Variants in ITPRID1 observed in about 807,000 individuals in gnomAD.
ITPRID1 encodes the protein protein ITPRID1.
A neutral mutation model predicts 95.4 loss-of-function variants in ITPRID1; 96 were observed. That is an observed-to-expected ratio of 1.01 (90% CI 0.85 to 1.19). The LOEUF (loss-of-function observed/expected upper bound fraction) is 1.19. Among genes scored for constraint, ITPRID1 ranks in the 50% most tolerant of loss-of-function variants. ITPRID1 has a pLI of 0.00. For missense variants in ITPRID1, 1,339 were observed against 1,252.9 expected (o/e 1.07, Z -1.04); for synonymous variants, 510 against 453.6 (o/e 1.12, Z -1.58).
At chr7:31,633,232 C>T (rs1017878898) in intron 10 of ITPRID1, among the ~76,000 whole-genome samples, 2 of 152,108 alleles carry the variant, frequency 1.3e-5, no homozygotes, top group African/African-American at 2.4e-5. Flanking sequence ...AGAGTCCAAG[C>T]GAGCTGTCTT....
intron 10 of ITPRID1, among the ~76,000 whole-genome samples, chr7:31,631,845 A>G (rs1015362630): frequency 1.3e-5 from 2 of 152,240 alleles, no homozygotes; most frequent in African/African-American, 4.8e-5. Flanking sequence ...AGCTTGTCTC[A>G]GGATTATTTT....
chr7:31,529,234 A>G (rs1783517230), intron 1 of ITPRID1, among the ~76,000 whole-genome samples: 1 of 152,170 alleles, frequency 6.6e-6, no homozygotes, highest in African/African-American at 2.4e-5. Context: ...TCCATCCTGA[A>G]TATCAAGTTC....
intron 10 of ITPRID1, among the ~76,000 whole-genome samples, chr7:31,612,868 A>G (rs929564488): frequency 6.6e-6 from 1 of 152,188 alleles, no homozygotes; most frequent in Non-Finnish European, 1.5e-5. Flanking sequence ...CGAATATGTC[A>G]GAGTTTTTCA....
At chr7:31,592,634 T>C (rs1343967572) in intron 10 of ITPRID1, among the ~76,000 whole-genome samples, 2 of 152,186 alleles carry the variant, frequency 1.3e-5, no homozygotes, top group African/African-American at 4.8e-5. Context: ...GCATGTACAG[T>C]TCACAATAGA....
chr7:31,599,953 C>T lies in ITPRID1; in HGVS notation c.1228+16762C>T, dbSNP rs181926594. Among the ~76,000 whole-genome samples the T allele has an allele frequency of 5.0e-3, 766 of 152,182 alleles. 7 individuals are homozygous for T. The highest frequency in any genetic ancestry group is 0.017 in the African/African-American group (722 of 41,486). ...GACCTCGTGATCCGCCGGCCTCTGC[C>T]TCCCAAAGTGCTGGGATTACAGGCG... is the stretch of plus-strand genomic sequence containing the variant. On this transcript the variant is annotated intron_variant, in intron 10 of 14. Transcript: ENST00000615280.
intron 10 of ITPRID1, among the ~76,000 whole-genome samples, chr7:31,613,290 C>G (rs912307983): frequency 3.3e-5 from 5 of 151,978 alleles, no homozygotes; most frequent in African/African-American, 1.2e-4. Flanking sequence ...CTCTTTTTTT[C>G]TCGTATAAAT....
intron 10 of ITPRID1, among the ~76,000 whole-genome samples, chr7:31,635,218 T>C (rs1789369482): frequency 6.6e-6 from 1 of 152,210 alleles, no homozygotes; most frequent in Non-Finnish European, 1.5e-5. Context: ...TCTAAGGGAA[T>C]ATTTAGAATT....
chr7:31,525,401 C>G (rs1383866602), intron 1 of ITPRID1, among the ~76,000 whole-genome samples: 1 of 152,200 alleles, frequency 6.6e-6, no homozygotes, highest in Non-Finnish European at 1.5e-5. Flanking sequence ...GTAGCATTCT[C>G]CACCCCATTG....
chr7:31,603,780 C>A lies in ITPRID1; in HGVS notation c.1228+20589C>A, dbSNP rs78757513. On this transcript the variant is annotated intron_variant, in intron 10 of 14. Coordinates refer to ENST00000615280, the MANE Select transcript of ITPRID1 (RefSeq NM_001257967.3). ...GTATGTTGGATTGCTTAGTGTCCCCCACAATCGCCCAATTTTGCATCTCTG... is the reference window on the plus strand; with the variant it reads ...GTATGTTGGATTGCTTAGTGTCCCCAACAATCGCCCAATTTTGCATCTCTG... Among the ~76,000 whole-genome samples the A allele has an allele frequency of 4.0e-4, 61 of 152,266 alleles. 1 individual carries two copies. In the East Asian group the frequency reaches 6.2e-3, roughly 15 times the overall value.
At chr7:31,590,728 G>A (rs1055863976) in intron 10 of ITPRID1, among the ~76,000 whole-genome samples, 1 of 152,168 alleles carries the variant, frequency 6.6e-6, no homozygotes, top group Non-Finnish European at 1.5e-5. Flanking sequence ...TCACTCCTAA[G>A]CAGTAAGAAG....
At chr7:31,593,421 A>G (rs12701125) in intron 10 of ITPRID1, among the ~76,000 whole-genome samples, 57,500 of 152,082 alleles carry the variant, frequency 0.38, 12,190 homozygotes, top group East Asian at 0.52. Context: ...CTACAAATCA[A>G]TGAGAAAAAC....
chr7:31,612,045 T>G (rs1272659242), intron 10 of ITPRID1, among the ~76,000 whole-genome samples: 1 of 152,014 alleles, frequency 6.6e-6, no homozygotes, highest in Non-Finnish European at 1.5e-5. Flanking sequence ...ATTCATTTTT[T>G]TTCTGTTTTT....
intron 10 of ITPRID1, among the ~76,000 whole-genome samples, chr7:31,622,575 A>G (rs1161936163): frequency 6.6e-6 from 1 of 151,974 alleles, no homozygotes; most frequent in Non-Finnish European, 1.5e-5. Context: ...TAAAGACACA[A>G]CATACCAGAA....
At chr7:31,588,002 C>G (rs900032094) in intron 10 of ITPRID1, among the ~76,000 whole-genome samples, 5 of 152,108 alleles carry the variant, frequency 3.3e-5, no homozygotes, top group Non-Finnish European at 7.4e-5. Flanking sequence ...TTAATATTCT[C>G]AGTGAGTTGT....
intron 1 of ITPRID1, among the ~76,000 whole-genome samples, chr7:31,522,893 C>T (rs1332309208): frequency 1.3e-5 from 2 of 152,018 alleles, no homozygotes; most frequent in Non-Finnish European, 2.9e-5. Context: ...TTACTTTTCC[C>T]AAAAATATGA....
chr7:31,617,855 A>C (rs1787414075), intron 10 of ITPRID1, among the ~76,000 whole-genome samples: 1 of 152,222 alleles, frequency 6.6e-6, no homozygotes, highest in African/African-American at 2.4e-5. Context: ...TTGACCTATT[A>C]AGAAGAGAGT....
chr7:31,567,170 C>T lies in ITPRID1; in HGVS notation c.257-2588C>T, dbSNP rs578203046. Among the ~76,000 whole-genome samples, 7 of 152,156 alleles carry T rather than the reference C, an allele frequency of 4.6e-5. No individual in the cohort carries two copies. The South Asian group carries it at 1.5e-3, about 32-fold the overall frequency. Reference sequence around the variant, plus strand: ...TGTAATTTACATAAATATTTGTCACCAAATGTCACATGGAAAATTTTTGAA... The same window carrying T: ...TGTAATTTACATAAATATTTGTCACTAAATGTCACATGGAAAATTTTTGAA... On this transcript the variant is annotated intron_variant, in intron 5 of 14. Transcript: ENST00000615280.
At chr7:31,564,784 G>C (rs551047851) in intron 5 of ITPRID1, among the ~76,000 whole-genome samples, 3 of 152,134 alleles carry the variant, frequency 2.0e-5, no homozygotes, top group African/African-American at 4.8e-5. Flanking sequence ...GTGGGATAGC[G>C]ACGGCAGAAA....
At chr7:31,542,969 C>A (rs1042690044) in intron 1 of ITPRID1, among the ~76,000 whole-genome samples, 1 of 152,050 alleles carries the variant, frequency 6.6e-6, no homozygotes, top group African/African-American at 2.4e-5. Context: ...TTAATTAGAG[C>A]TTTTTAAATA....
Sources: allele counts gnomAD v4.1 joint callset (sites outside exome capture counted in the v4.1 genomes callset), GRCh38; gene constraint gnomAD v4.1.1; transcripts MANE v1.5; gene names NCBI Gene and HGNC (gene_info 2026-07-23, HGNC 2026-07-21).